The following FBXL14 variants were observed in gnomAD, a reference collection of about 807,000 sequenced individuals.
The protein encoded by FBXL14 is F-box and leucine rich repeat protein 14, also known as F-box/LRR-repeat protein 14.
FBXL14 carries 11 observed loss-of-function variants against 24.5 expected under a neutral mutation model. The ratio of observed to expected loss-of-function variants is 0.45; its 90% CI spans 0.28 to 0.74. The LOEUF is 0.74. FBXL14 is among the 30% of genes least tolerant of loss of function. The probability of loss-of-function intolerance (pLI) is 0.12; values close to 1 mark genes in which losing one functional copy is unlikely to be tolerated. For missense variants in FBXL14, 384 were observed against 545.6 expected (o/e 0.70, Z 2.95); for synonymous variants, 294 against 240.4 (o/e 1.22, Z -2.06).
chr12:1,583,730 A>G lies in FBXL14; in HGVS notation c.1194+9143T>C, dbSNP rs1176656867. 2.6e-5 allele frequency among the ~76,000 whole-genome samples: 4 copies of G among 152,252 alleles called. No individual in the cohort carries two copies. The East Asian group carries it at 5.8e-4, about 22-fold the overall frequency. On this transcript the variant is annotated intron_variant, in intron 1 of 1. Coordinates refer to ENST00000339235, the MANE Select transcript of FBXL14 (RefSeq NM_152441.3). Reference sequence around the variant, plus strand: ...GATTTCTCCACTTTCTGTCTTCCACAGTGGAGGACATTTAGTTTTGCATTA... The same window carrying G: ...GATTTCTCCACTTTCTGTCTTCCACGGTGGAGGACATTTAGTTTTGCATTA...
At chr12:1,591,822 G>A (rs1190167000) in intron 1 of FBXL14, among the ~76,000 whole-genome samples, 1 of 152,152 alleles carries the variant, frequency 6.6e-6, no homozygotes, top group Non-Finnish European at 1.5e-5. Context: ...GGGAAACTTG[G>A]AAGAGGGTGA....
intron 1 of FBXL14, among the ~76,000 whole-genome samples, chr12:1,575,958 C>T (rs1373332462): frequency 6.6e-6 from 1 of 152,158 alleles, no homozygotes. Flanking sequence ...AGGAAGCCTG[C>T]CTGGATGTGT....
chr12:1,570,788 C>G (rs150683688), intron 1 of FBXL14, among the ~76,000 whole-genome samples: 1 of 152,146 alleles, frequency 6.6e-6, no homozygotes, highest in Admixed American at 6.5e-5. Flanking sequence ...ACGTGACCAT[C>G]GAGACCAAGC....
chr12:1,589,681 T>C (rs1301653703), intron 1 of FBXL14, among the ~76,000 whole-genome samples: 4 of 152,220 alleles, frequency 2.6e-5, no homozygotes, highest in South Asian at 2.1e-4. Flanking sequence ...AACACGTTAA[T>C]TGCTTTCCAT....
chr12:1,572,574 T>C (rs905613668), intron 1 of FBXL14, among the ~76,000 whole-genome samples: 2 of 152,128 alleles, frequency 1.3e-5, no homozygotes, highest in Non-Finnish European at 2.9e-5. Flanking sequence ...TGGTCTATCA[T>C]TGGAGAAATC....
intron 1 of FBXL14, among the ~76,000 whole-genome samples, chr12:1,568,327 T>C (rs578190851): frequency 6.6e-5 from 10 of 152,122 alleles, no homozygotes; most frequent in African/African-American, 2.4e-4. Flanking sequence ...CCTTTAAAAG[T>C]AAAGGAGAAT....
At chr12:1,586,181 G>GT (rs1274323300) in intron 1 of FBXL14, among the ~76,000 whole-genome samples, 9 of 144,938 alleles carry the variant, frequency 6.2e-5, no homozygotes, top group African/African-American at 1.9e-4. Flanking sequence ...TAGCATTTGG[G>GT]GTTTTTTTTT....
intron 1 of FBXL14, 75 bp from the exon 2 acceptor site, chr12:1,566,885 C>A: frequency 1.3e-6 from 1 of 753,804 alleles, no homozygotes; most frequent in South Asian, 1.4e-5. Flanking sequence ...AGGTCGCCTC[C>A]CCTAACCCCA....
intron 1 of FBXL14, among the ~76,000 whole-genome samples, chr12:1,582,397 T>C (rs1384791594): frequency 6.6e-6 from 1 of 152,124 alleles, no homozygotes; most frequent in Non-Finnish European, 1.5e-5. Flanking sequence ...CAGTTCTCAT[T>C]CTGGCTCCTC....
intron 1 of FBXL14, among the ~76,000 whole-genome samples, chr12:1,590,717 A>G (rs1032384960): frequency 6.6e-6 from 1 of 152,170 alleles, no homozygotes; most frequent in Non-Finnish European, 1.5e-5. Flanking sequence ...CAAGCTCCCC[A>G]TCCCCCAGGA....
chr12:1,584,467 A>G (rs758377083), intron 1 of FBXL14, among the ~76,000 whole-genome samples: 1 of 152,180 alleles, frequency 6.6e-6, no homozygotes, highest in African/African-American at 2.4e-5. Flanking sequence ...CTGTGTAGGG[A>G]AGAGAGAGGC....
At chr12:1,581,900 A>G (rs555116986) in intron 1 of FBXL14, among the ~76,000 whole-genome samples, 8 of 152,240 alleles carry the variant, frequency 5.3e-5, no homozygotes, top group Middle Eastern at 3.4e-3. Context: ...TGAGGCGGGT[A>G]GATCACCTGA....
intron 1 of FBXL14, 129 bp downstream of exon 1, chr12:1,592,744 T>C (rs1468172957): frequency 3.8e-6 from 3 of 793,516 alleles, no homozygotes; most frequent in Non-Finnish European, 5.6e-6. Context: ...CTGAGGCTTC[T>C]GTCATAGCCC....
Position 1,582,050 on chromosome 12 carries a change from C to T in FBXL14, c.1194+10823G>A, listed in dbSNP as rs146647715. ...CTGAGGCAGGAGCATTGCTTGAACCCGGGGAGCAGAAGTTGCAGTGAGCTG... is the reference window on the plus strand; with the variant it reads ...CTGAGGCAGGAGCATTGCTTGAACCTGGGGAGCAGAAGTTGCAGTGAGCTG... On this transcript the variant is annotated intron_variant, in intron 1 of 1. Coordinates refer to ENST00000339235, the MANE Select transcript of FBXL14 (RefSeq NM_152441.3). Among the ~76,000 whole-genome samples, 212 of 151,998 alleles carry T rather than the reference C, an allele frequency of 1.4e-3. 1 individual carries two copies. Among genetic ancestry groups the T allele is most frequent in the Admixed American group, 0.011 (161 of 15,250 alleles).
Position 1,594,326 on chromosome 12 carries a change from A to C in FBXL14, c.-260T>G. ...GCCCCGGGCTCCGCACGGCGCTCAC[A>C]TCCCGGGCGGGGAAGGCGCCTCGCT... On this transcript the variant is annotated 5_prime_UTR_variant, in exon 1 of 2. An upstream start codon of the reference 5' UTR is lost. Coordinates refer to ENST00000339235, the MANE Select transcript of FBXL14 (RefSeq NM_152441.3). Among the ~76,000 whole-genome samples, 1 of 138,872 alleles carries C rather than the reference A, an allele frequency of 7.2e-6. No individual in the cohort carries two copies. 91.1% of individuals were successfully genotyped at this position (138,872 alleles called of 152,430 possible).
chr12:1,570,711 G>A (rs1411611964), intron 1 of FBXL14, among the ~76,000 whole-genome samples: 1 of 152,166 alleles, frequency 6.6e-6, no homozygotes, highest in East Asian at 1.9e-4. Flanking sequence ...GAACCCAAGT[G>A]TCTCGATCAC....
chr12:1,576,588 C>T (rs1045150905), intron 1 of FBXL14, among the ~76,000 whole-genome samples: 4 of 152,160 alleles, frequency 2.6e-5, no homozygotes, highest in Non-Finnish European at 4.4e-5. Context: ...GCAGCAATTC[C>T]CAACTATTTT....
chr12:1,567,091 G>T lies in FBXL14; in HGVS notation c.1195-281C>A, dbSNP rs951978246. ...AGACTATAGAGTAGACCTTCCCACC[G>T]CACACTCACGGCCTCTTTACAGCAG... On this transcript the variant is annotated intron_variant, in intron 1 of 1. Transcript: ENST00000339235. This position sits in a 1 kb window ranked among gnomAD's most constrained non-coding sequence, Gnocchi z 4.8. Among the ~76,000 whole-genome samples the T allele has an allele frequency of 5.3e-5, 8 of 152,188 alleles. No homozygotes were observed. The highest frequency in any genetic ancestry group is 1.9e-4 in the African/African-American group (8 of 41,542).
chr12:1,584,506 C>T (rs1181025425), intron 1 of FBXL14, among the ~76,000 whole-genome samples: 1 of 152,092 alleles, frequency 6.6e-6, no homozygotes, highest in Admixed American at 6.6e-5. Flanking sequence ...TCATGCTGTT[C>T]TGATTGTTGA....
Sources: gnomAD v4.1 joint callset for allele counts (sites outside exome capture counted in the v4.1 genomes callset) on GRCh38, gnomAD v4.1.1 for gene constraint, Gnocchi (gnomAD v3.1) non-coding constraint, MANE v1.5 for transcripts, NCBI Gene and HGNC (gene_info 2026-07-23, HGNC 2026-07-21) for gene names.